Variants in MAGI2 observed in about 807,000 individuals in gnomAD.
The protein encoded by MAGI2 is membrane-associated guanylate kinase, WW and PDZ domain-containing protein 2.
In MAGI2, 35 loss-of-function variants were observed where a neutral mutation model predicts 133.3. The observed-to-expected ratio is 0.26, with a 90% CI of 0.20 to 0.35. The LOEUF (loss-of-function observed/expected upper bound fraction) is 0.35, where lower values mean the gene tolerates loss of function less well. Ranked by LOEUF, MAGI2 falls within the 10% of genes least tolerant of loss-of-function variation. The pLI is 1.00. For synonymous variants in MAGI2, 729 were observed against 710.6 expected (o/e 1.03, Z -0.41); for missense variants, 1,636 against 1,863.4 (o/e 0.88, Z 2.25).
chr7:79,166,640 A>G (rs1824947126), intron 1 of MAGI2, among the ~76,000 whole-genome samples: 1 of 152,152 alleles, frequency 6.6e-6, no homozygotes, highest in Non-Finnish European at 1.5e-5. Flanking sequence ...CTAAAATTCC[A>G]CAATGTCTCC....
At chr7:78,260,478 A>T (rs1398601240) in intron 9 of MAGI2, among the ~76,000 whole-genome samples, 2 of 152,130 alleles carry the variant, frequency 1.3e-5, no homozygotes, top group Non-Finnish European at 2.9e-5. Flanking sequence ...GAATAAAAAT[A>T]TCTCTTACAT....
intron 1 of MAGI2, among the ~76,000 whole-genome samples, chr7:79,021,111 G>A (rs777644402): frequency 6.6e-6 from 1 of 152,232 alleles, no homozygotes; most frequent in Non-Finnish European, 1.5e-5. Flanking sequence ...AAGAAATGAG[G>A]TTGGGGAACT....
At chr7:78,552,928 C>T (rs186306445) in intron 3 of MAGI2, among the ~76,000 whole-genome samples, 3 of 151,012 alleles carry the variant, frequency 2.0e-5, no homozygotes, top group Admixed American at 1.3e-4. Context: ...AACAAATTGC[C>T]CCCCCAAGGT....
chr7:79,368,676 G>T (rs1294027363), intron 1 of MAGI2, among the ~76,000 whole-genome samples: 2 of 151,064 alleles, frequency 1.3e-5, no homozygotes, highest in Non-Finnish European at 3.0e-5. Context: ...GTGAAACCCC[G>T]TCTCTACTAA....
In MAGI2 at chr7:79,185,510, T is replaced by G. The variant is rs951340220; in HGVS notation, c.302-178304A>C. 6.1e-5 allele frequency among the ~76,000 whole-genome samples: 8 copies of G among 130,614 alleles called. 1 individual carries two copies. The highest frequency in any genetic ancestry group is 1.9e-4 in the African/African-American group (7 of 36,544). The allele number at this position is 130,614 out of a possible 152,430, so 85.7% of individuals were successfully genotyped here. ...GAGCATGTGGCAGTTGGTTACCAAT[T>G]TGGTCATTTTTTTTTTTTTTTTTTT... On this transcript the variant is annotated intron_variant, in intron 1 of 21. Transcript: ENST00000354212.
At chr7:78,161,060 A>C (rs934228807) in intron 15 of MAGI2, among the ~76,000 whole-genome samples, 1 of 152,216 alleles carries the variant, frequency 6.6e-6, no homozygotes, top group Non-Finnish European at 1.5e-5. Flanking sequence ...CTAGGATCAA[A>C]TCTAATTTCA....
intron 2 of MAGI2, among the ~76,000 whole-genome samples, chr7:78,649,024 G>C (rs1457112278): frequency 3.3e-5 from 5 of 151,726 alleles, no homozygotes; most frequent in Admixed American, 3.3e-4. Flanking sequence ...ATAATACACT[G>C]TCAGGTCAGC....
At chr7:78,112,452 A>G (rs1819447711) in intron 20 of MAGI2, among the ~76,000 whole-genome samples, 1 of 152,228 alleles carries the variant, frequency 6.6e-6, no homozygotes, top group African/African-American at 2.4e-5. Context: ...TTAGTTAGGC[A>G]TATCTGAACA....
chr7:78,136,371 C>T (rs1420100283), intron 16 of MAGI2, among the ~76,000 whole-genome samples: 2 of 152,164 alleles, frequency 1.3e-5, no homozygotes, highest in Non-Finnish European at 2.9e-5. Flanking sequence ...CCGCCTGCCT[C>T]GGCCTCCCAA....
At chr7:78,699,937 G>A (rs901952059) in intron 2 of MAGI2, among the ~76,000 whole-genome samples, 1 of 152,032 alleles carries the variant, frequency 6.6e-6, no homozygotes, top group East Asian at 1.9e-4. Flanking sequence ...CCCCATTTGA[G>A]AAGAGAAACT....
chr7:78,743,419 T>G (rs919304853), intron 2 of MAGI2, among the ~76,000 whole-genome samples: 1 of 152,132 alleles, frequency 6.6e-6, no homozygotes, highest in Admixed American at 6.5e-5. Context: ...AAAAGAACCT[T>G]CCTTGTTCAA....
chr7:78,330,965 G>A (rs1351739089), intron 9 of MAGI2, among the ~76,000 whole-genome samples: 2 of 152,038 alleles, frequency 1.3e-5, no homozygotes, highest in African/African-American at 4.8e-5. Flanking sequence ...GCGTATACAC[G>A]TGCATGTGTG....
At chr7:78,495,639 C>A (rs908106295) in intron 5 of MAGI2, among the ~76,000 whole-genome samples, 1 of 152,256 alleles carries the variant, frequency 6.6e-6, no homozygotes, top group East Asian at 1.9e-4. Context: ...AGGTAATACA[C>A]AAATAAAGCT....
chr7:78,749,397 A>C (rs1823240888), intron 2 of MAGI2, among the ~76,000 whole-genome samples: 1 of 152,208 alleles, frequency 6.6e-6, no homozygotes, highest in Non-Finnish European at 1.5e-5. Flanking sequence ...AGCAAGATAA[A>C]TGTAATTAGT....
intron 1 of MAGI2, among the ~76,000 whole-genome samples, chr7:79,225,791 T>C (rs1387907375): frequency 6.6e-6 from 1 of 152,186 alleles, no homozygotes; most frequent in Non-Finnish European, 1.5e-5. Flanking sequence ...TCCATGCAAA[T>C]TAAACTGCTC....
In MAGI2 at chr7:78,127,140, C is replaced by T. The variant is rs181977726; in HGVS notation, c.3423+57G>A. On this transcript the variant is annotated intron_variant, in intron 19 of 21. Coordinates refer to ENST00000354212, the MANE Select transcript of MAGI2 (RefSeq NM_012301.4). ...TTCCTCTGCCTCTCCTATTTCATTC[C>T]TTGCAGTTCTCTGGAAGCCTTGGTC... 31 of 1,326,564 alleles carry T rather than the reference C, an allele frequency of 2.3e-5. No individual in the cohort carries two copies. In the Admixed American group the frequency reaches 3.3e-4, roughly 14 times the overall value. 82.2% of individuals were successfully genotyped at this position (1,326,564 alleles called of 1,614,324 possible).
At chr7:78,175,267 C>T (rs1041674668) in intron 14 of MAGI2, among the ~76,000 whole-genome samples, 6 of 152,246 alleles carry the variant, frequency 3.9e-5, no homozygotes, top group African/African-American at 1.4e-4. Flanking sequence ...TAAAGAGGGG[C>T]TAGCTGGAAC....
At position 78,772,641 on chromosome 7, in the gene MAGI2, G is replaced by C. The variant is rs544563114; in HGVS notation, c.419-145402C>G. On this transcript the variant is annotated intron_variant, in intron 2 of 21. Transcript: ENST00000354212. Reference sequence around the variant, plus strand: ...CTCCATCAACACCTAAAATGAATAAGAACTATTCACTGTTCTTGCTGGCTT... The same window carrying C: ...CTCCATCAACACCTAAAATGAATAACAACTATTCACTGTTCTTGCTGGCTT... Among the ~76,000 whole-genome samples the C allele has an allele frequency of 2.0e-5, 3 of 152,230 alleles. No individual in the cohort carries two copies. The South Asian group carries it at 6.2e-4, about 32-fold the overall frequency.
At chr7:79,271,714 A>AT (rs1477647313) in intron 1 of MAGI2, among the ~76,000 whole-genome samples, 1 of 148,018 alleles carries the variant, frequency 6.8e-6, no homozygotes, top group Non-Finnish European at 1.5e-5. Context: ...GGTAAAAGAG[A>AT]TTTTAACGGT....
Sources: gnomAD v4.1 joint callset for allele counts (sites outside exome capture counted in the v4.1 genomes callset) on GRCh38, gnomAD v4.1.1 for gene constraint, MANE v1.5 for transcripts, NCBI Gene and HGNC (gene_info 2026-07-23, HGNC 2026-07-21) for gene names.